CLASP1: variants seen among roughly 807,000 people sequenced by gnomAD.
The protein encoded by CLASP1 is cytoplasmic linker associated protein 1.
CLASP1 carries 38 observed loss-of-function variants against 192.3 expected under a neutral mutation model. The observed-to-expected ratio is 0.20, with a 90% CI of 0.15 to 0.26. The LOEUF is 0.26. Ranked by LOEUF, CLASP1 falls within the 10% of genes least tolerant of loss-of-function variation. The probability of loss-of-function intolerance (pLI) is 1.00; values close to 1 mark genes in which losing one functional copy is unlikely to be tolerated. For missense variants in CLASP1, 1,433 were observed against 1,932.5 expected (o/e 0.74, Z 4.85); for synonymous variants, 691 against 712.8 (o/e 0.97, Z 0.49).
chr2:121,586,991 C>A (rs1030618952), intron 2 of CLASP1, among the ~76,000 whole-genome samples: 21 of 152,164 alleles, frequency 1.4e-4, no homozygotes, highest in Non-Finnish European at 3.1e-4. Context: ...ACCTGTAATC[C>A]CAACACTTTG....
chr2:121,530,996 AT>A lies in CLASP1; in HGVS notation c.196-672del, dbSNP rs1381146456. The A allele has an allele frequency of 2.9e-6, 2 of 700,280 alleles. No individual in the cohort carries two copies. Among genetic ancestry groups the A allele is most frequent in the South Asian group, 3.0e-5 (2 of 67,496 alleles). The allele number at this position is 700,280 out of a possible 1,614,324, so 43.4% of individuals were successfully genotyped here. A position where few individuals can be genotyped will look rare whatever the true frequency, so the allele number is the denominator to read the frequency against. On this transcript the variant is annotated intron_variant, in intron 2 of 39. Coordinates refer to ENST00000263710, the Ensembl canonical transcript of CLASP1. ...AGAGCTTTTGCTTTATTTTGGTGCAATTTTTGGAAAAATGAAAACCTGTTTT... is the reference window on the plus strand; with the variant it reads ...AGAGCTTTTGCTTTATTTTGGTGCAATTTTGGAAAAATGAAAACCTGTTTT...
chr2:121,519,892 T>A (rs1208059738), intron 6 of CLASP1, among the ~76,000 whole-genome samples: 6 of 152,142 alleles, frequency 3.9e-5, no homozygotes, highest in Non-Finnish European at 8.8e-5. Flanking sequence ...ATGCAGCTAT[T>A]CACTTCTACA....
intron 6 of CLASP1, among the ~76,000 whole-genome samples, chr2:121,521,615 G>A (rs2094458399): frequency 6.6e-6 from 1 of 152,208 alleles, no homozygotes. Context: ...CACACACTGT[G>A]CACCTGTGGC....
At chr2:121,534,556 G>A (rs1347965856) in intron 2 of CLASP1, among the ~76,000 whole-genome samples, 2 of 151,890 alleles carry the variant, frequency 1.3e-5, no homozygotes, top group African/African-American at 4.8e-5. Flanking sequence ...TTGTTTTTTT[G>A]AGACAGAGTC....
At chr2:121,556,578 A>G (rs1036094975) in intron 2 of CLASP1, among the ~76,000 whole-genome samples, 2 of 152,120 alleles carry the variant, frequency 1.3e-5, no homozygotes, top group Non-Finnish European at 2.9e-5. Context: ...CATCTCCTTC[A>G]AGTCTTTGTT....
chr2:121,344,550 T>C (rs2063205772), intron 39 of CLASP1, among the ~76,000 whole-genome samples: 1 of 151,944 alleles, frequency 6.6e-6, no homozygotes, highest in African/African-American at 2.4e-5. Context: ...AGGCTGGTCT[T>C]GAACTCCTGA....
At chr2:121,530,105 CTGTT>C in intron 3 of CLASP1, 138 bp downstream of exon 3, 1 of 653,662 alleles carries the variant, frequency 1.5e-6, no homozygotes. Context: ...CGGGGACTGG[CTGTT>C]TGGGAGGAGC....
chr2:121,545,113 T>C (rs773144182), intron 2 of CLASP1, among the ~76,000 whole-genome samples: 2 of 152,092 alleles, frequency 1.3e-5, no homozygotes, highest in Non-Finnish European at 2.9e-5. Flanking sequence ...GGTTTCACTA[T>C]GTTGGCCAGG....
chr2:121,404,187 C>A lies in CLASP1; in HGVS notation c.2733+184G>T, dbSNP rs180685778. 6.6e-4 allele frequency: 460 copies of A among 700,152 alleles called. No individual in the cohort carries two copies. The African/African-American group carries it at 8.5e-3, about 13-fold the overall frequency. 43.4% of individuals were successfully genotyped at this position (700,152 alleles called of 1,614,324 possible). A position where few individuals can be genotyped will look rare whatever the true frequency, so the allele number is the denominator to read the frequency against. On this transcript the variant is annotated intron_variant, in intron 26 of 39. Coordinates refer to ENST00000263710, the Ensembl canonical transcript of CLASP1. Reference sequence around the variant, plus strand: ...CACTTATTTAACTTGAAATTTTATGCACATTTAAGTTTCCAAGAATTCTGT... The same window carrying A: ...CACTTATTTAACTTGAAATTTTATGAACATTTAAGTTTCCAAGAATTCTGT...
chr2:121,557,219 G>A (rs1243783391), intron 2 of CLASP1, among the ~76,000 whole-genome samples: 2 of 152,182 alleles, frequency 1.3e-5, no homozygotes, highest in Non-Finnish European at 2.9e-5. Flanking sequence ...CAGATGATAA[G>A]TTTTGTTTGT....
intron 2 of CLASP1, among the ~76,000 whole-genome samples, chr2:121,575,173 G>A (rs572115663): frequency 4.0e-5 from 6 of 151,582 alleles, no homozygotes; most frequent in South Asian, 2.1e-4. Context: ...GTGCAGTGGC[G>A]CGATCTCGGC....
intron 6 of CLASP1, among the ~76,000 whole-genome samples, chr2:121,519,597 G>A (rs2094410154): frequency 6.6e-6 from 1 of 152,140 alleles, no homozygotes; most frequent in Admixed American, 6.5e-5. Flanking sequence ...CAAATCTACA[G>A]GCTGAAACCA....
At chr2:121,530,886 C>A (rs764712132) in intron 2 of CLASP1, 1 of 692,914 alleles carries the variant, frequency 1.4e-6, no homozygotes, top group Non-Finnish European at 2.6e-6. Context: ...TTATAACCAT[C>A]CTTTTCTTGG....
intron 14 of CLASP1, among the ~76,000 whole-genome samples, chr2:121,455,565 T>A (rs1034545994): frequency 6.6e-6 from 1 of 152,094 alleles, no homozygotes. Context: ...CAAAGACAAA[T>A]ACTGCATGAT....
At chr2:121,448,204 G>A (rs898163466) in intron 18 of CLASP1, 72 bp downstream of exon 18, 2 of 1,361,292 alleles carry the variant, frequency 1.5e-6, no homozygotes, top group Admixed American at 1.7e-5. Flanking sequence ...CTGTGCCTGG[G>A]CAGCCTCTTG....
intron 35 of CLASP1, among the ~76,000 whole-genome samples, 189 bp from the exon 37 acceptor site, chr2:121,365,473 T>G (rs931140065): frequency 1.3e-5 from 2 of 152,048 alleles, no homozygotes; most frequent in African/African-American, 4.8e-5. Flanking sequence ...CCACCAACCT[T>G]CTCACCAAGT....
chr2:121,514,118 T>C (rs761505944), intron 7 of CLASP1, among the ~76,000 whole-genome samples: 6 of 152,216 alleles, frequency 3.9e-5, no homozygotes, highest in Non-Finnish European at 5.9e-5. Context: ...CTCACCTCTC[T>C]AGATCTCGGT....
rs7591385 is a variant in CLASP1 at position 121,547,402 on chromosome 2, T to G, written c.196-17077A>C. Among the ~76,000 whole-genome samples, 639 of 141,452 alleles carry G rather than the reference T, an allele frequency of 4.5e-3. 10 individuals are homozygous for G. Among genetic ancestry groups the G allele is most frequent in the African/African-American group, 0.015 (588 of 39,140 alleles). 92.8% of individuals were successfully genotyped at this position (141,452 alleles called of 152,430 possible). On this transcript the variant is annotated intron_variant, in intron 2 of 39. Transcript: ENST00000263710. ...CCCAAGGGCCCACCCACCCCCCTAC[T>G]CTTCACCAGGCAGGGAACCCCCAGC...
intron 2 of CLASP1, among the ~76,000 whole-genome samples, chr2:121,604,132 T>A (rs949964635): frequency 6.6e-6 from 1 of 152,216 alleles, no homozygotes; most frequent in Non-Finnish European, 1.5e-5. Context: ...CCTGACCTGA[T>A]CACTACAAAT....
Sources: allele counts gnomAD v4.1 joint callset (sites outside exome capture counted in the v4.1 genomes callset), GRCh38; gene constraint gnomAD v4.1.1; transcripts MANE v1.5; gene names NCBI Gene and HGNC (gene_info 2026-07-23, HGNC 2026-07-21).